SERPINB12: variants seen among roughly 807,000 people sequenced by gnomAD.
SERPINB12 encodes the protein serpin B12.
Under a neutral mutation model 41.1 loss-of-function variants are expected in SERPINB12, and 57 were observed. The ratio of observed to expected loss-of-function variants is 1.39; its 90% CI spans 1.12 to 1.73. The LOEUF (loss-of-function observed/expected upper bound fraction) is 1.73. SERPINB12 is among the 40% of genes most tolerant of loss of function. SERPINB12 has a pLI of 0.00. For missense variants in SERPINB12, 536 were observed against 501.9 expected (o/e 1.07, Z -0.65); for synonymous variants, 180 against 181.3 (o/e 0.99, Z 0.06).
chr18:63,522,099 G>T, the SERPINB12 span, among the ~76,000 whole-genome samples: 1 of 152,106 alleles, frequency 6.6e-6, no homozygotes, highest in African/African-American at 2.4e-5. Flanking sequence ...TGTAAAATAA[G>T]TTTAGTTTTT....
At chr18:63,555,126 T>C (rs1221167408) in intron 1 of SERPINB12, among the ~76,000 whole-genome samples, 1 of 152,144 alleles carries the variant, frequency 6.6e-6, no homozygotes, top group Non-Finnish European at 1.5e-5. Context: ...TGTAGCAGTG[T>C]GAAAATGGAC....
chr18:63,533,659 A>T, the SERPINB12 span, among the ~76,000 whole-genome samples: 1 of 152,200 alleles, frequency 6.6e-6, no homozygotes, highest in Non-Finnish European at 1.5e-5. Flanking sequence ...GATTTTAGAG[A>T]TTAGTTTGCA....
intron 1 of SERPINB12, among the ~76,000 whole-genome samples, chr18:63,551,782 A>G (rs918682970): frequency 6.6e-6 from 1 of 152,164 alleles, no homozygotes; most frequent in African/African-American, 2.4e-5. Flanking sequence ...CTGCCTTTCT[A>G]TTTCTTGCTA....
chr18:63,531,750 C>T, the SERPINB12 span, among the ~76,000 whole-genome samples: 1 of 151,962 alleles, frequency 6.6e-6, no homozygotes, highest in African/African-American at 2.4e-5. Flanking sequence ...CAACAAATGC[C>T]AAAGGTTTAA....
chr18:63,533,463 C>T, the SERPINB12 span, among the ~76,000 whole-genome samples: 2 of 152,132 alleles, frequency 1.3e-5, no homozygotes, highest in Non-Finnish European at 2.9e-5. Context: ...ACACTTAATG[C>T]CGAGTCTGAA....
chr18:63,534,217 A>G, the SERPINB12 span, among the ~76,000 whole-genome samples: 2 of 152,200 alleles, frequency 1.3e-5, no homozygotes, highest in Non-Finnish European at 2.9e-5. Context: ...AAAAATAAAG[A>G]ACACACTCAT....
chr18:63,544,767 C>T (rs1910346761), intron 1 of SERPINB12, among the ~76,000 whole-genome samples: 1 of 151,908 alleles, frequency 6.6e-6, no homozygotes, highest in African/African-American at 2.4e-5. Flanking sequence ...AGATTTTTTC[C>T]TCTTTTTATG....
the SERPINB12 span, among the ~76,000 whole-genome samples, chr18:63,526,907 G>A: frequency 6.6e-6 from 1 of 152,078 alleles, no homozygotes; most frequent in Non-Finnish European, 1.5e-5. Context: ...ATATCGTATT[G>A]CCTGTTGCTA....
upstream of SERPINB12, among the ~76,000 whole-genome samples, chr18:63,537,759 T>A (rs149410778): frequency 6.6e-6 from 1 of 152,272 alleles, no homozygotes; most frequent in African/African-American, 2.4e-5. Flanking sequence ...TCATAAAGGT[T>A]GTCACATTTA....
chr18:63,559,796 C>T, intron 4 of SERPINB12, 78 bp downstream of exon 4: 2 of 1,469,060 alleles, frequency 1.4e-6, no homozygotes, highest in Non-Finnish European at 1.9e-6. Context: ...GGGTTACTCA[C>T]CTGCCATCTA....
At position 63,561,037 on chromosome 18, in the gene SERPINB12, C is replaced by T. The variant is rs763826635; in HGVS notation, c.445-48C>T. On this transcript the variant is annotated intron_variant, in intron 4 of 7. Coordinates refer to ENST00000382768, the MANE Select transcript of SERPINB12 (RefSeq NM_001307928.2). ...GAGTCTCACTCCTAACTACGAGCAT[C>T]ACTGCCTGACTTTATTGCATTATTT... 3 of 1,230,438 alleles carry T rather than the reference C, an allele frequency of 2.4e-6. No individual in the cohort carries two copies. The Admixed American group carries it at 5.2e-5, about 21-fold the overall frequency. 76.2% of individuals were successfully genotyped at this position (1,230,438 alleles called of 1,614,324 possible).
Position 63,567,069 on chromosome 18 carries a change from C to T in SERPINB12, c.*58C>T. On this transcript the variant is annotated 3_prime_UTR_variant, in exon 8 of 8. Transcript: ENST00000382768. ...AGGAAAATATCAATACAATCTTCCC[C>T]TGGCATAAGATGGGCATTTGAGTTT... is the stretch of plus-strand genomic sequence containing the variant. The T allele has an allele frequency of 6.7e-7, 1 of 1,490,272 alleles. No homozygotes were observed. The highest frequency in any genetic ancestry group is 9.0e-7 in the Non-Finnish European group (1 of 1,113,528). The allele number at this position is 1,490,272 out of a possible 1,614,324, so 92.3% of individuals were successfully genotyped here.
At chr18:63,561,932 G>A (rs113050434) in intron 5 of SERPINB12, among the ~76,000 whole-genome samples, 3,998 of 152,172 alleles carry the variant, frequency 0.026, 87 homozygotes, top group Middle Eastern at 0.054. Flanking sequence ...ACTACCTATA[G>A]GGTACTATGC....
Position 63,567,806 on chromosome 18 carries a change from C to T in SERPINB12, c.*795C>T, listed in dbSNP as rs889035238. Among the ~76,000 whole-genome samples the T allele has an allele frequency of 6.6e-6, 1 of 152,244 alleles. No individual in the cohort carries two copies. Among genetic ancestry groups the T allele is most frequent in the Non-Finnish European group, 1.5e-5 (1 of 68,046 alleles). Reference sequence around the variant, plus strand: ...TCCCCCTAGCTCCAAGAATTCCCACCTGTGGCTAGCTCCTTTTATGCACCC... The same window carrying T: ...TCCCCCTAGCTCCAAGAATTCCCACTTGTGGCTAGCTCCTTTTATGCACCC... On this transcript the variant is annotated 3_prime_UTR_variant, in exon 8 of 8. Transcript: ENST00000382768.
chr18:63,558,713 A>C (rs944425156), intron 3 of SERPINB12, among the ~76,000 whole-genome samples: 21 of 152,178 alleles, frequency 1.4e-4, no homozygotes, highest in African/African-American at 4.6e-4. Context: ...TATGATAAAG[A>C]AGCCTAGATC....
chr18:63,532,321 T>C, the SERPINB12 span, among the ~76,000 whole-genome samples: 1 of 152,328 alleles, frequency 6.6e-6, no homozygotes, highest in East Asian at 1.9e-4. Context: ...AATGGTTGTC[T>C]GTCAAGGCCA....
upstream of SERPINB12, among the ~76,000 whole-genome samples, chr18:63,540,897 A>T (rs1478305607): frequency 6.6e-6 from 1 of 152,180 alleles, no homozygotes; most frequent in Non-Finnish European, 1.5e-5. Flanking sequence ...TGTTAAAAGG[A>T]CACAAAATTA....
chr18:63,537,477 A>G (rs977477402), upstream of SERPINB12, among the ~76,000 whole-genome samples: 2 of 152,238 alleles, frequency 1.3e-5, no homozygotes, highest in African/African-American at 4.8e-5. Flanking sequence ...ATGACATACC[A>G]GGGGTAATGA....
At chr18:63,542,193 G>C (rs1004659554), upstream of SERPINB12, among the ~76,000 whole-genome samples, 2 of 152,132 alleles carry the variant, frequency 1.3e-5, no homozygotes, top group African/African-American at 4.8e-5. Context: ...CCCTCTAAAG[G>C]AGAGGCCCTC....
Sources: allele counts gnomAD v4.1 joint callset (sites outside exome capture counted in the v4.1 genomes callset), GRCh38; gene constraint gnomAD v4.1.1; transcripts MANE v1.5; gene names NCBI Gene and HGNC (gene_info 2026-07-23, HGNC 2026-07-21).